The following CERS6 variants were observed in gnomAD, a reference collection of about 807,000 sequenced individuals.
The protein encoded by CERS6 is LAG1 homolog, ceramide synthase 6.
A neutral mutation model predicts 56.8 loss-of-function variants in CERS6; 26 were observed. The observed-to-expected ratio is 0.46, with a 90% CI of 0.34 to 0.63. The LOEUF (loss-of-function observed/expected upper bound fraction) is 0.63, where lower values mean the gene tolerates loss of function less well. CERS6 is among the 30% of genes least tolerant of loss of function. The pLI, the probability that CERS6 is intolerant of heterozygous loss-of-function variation, is 0.01. For synonymous variants in CERS6, 164 were observed against 173.3 expected (o/e 0.95, Z 0.42); for missense variants, 415 against 467.5 (o/e 0.89, Z 1.04).
intron 3 of CERS6, among the ~76,000 whole-genome samples, chr2:168,585,545 T>C (rs1683520817): frequency 6.6e-6 from 1 of 152,230 alleles, no homozygotes; most frequent in Non-Finnish European, 1.5e-5. Flanking sequence ...TTTCTTCATG[T>C]ACAACATAGG....
At chr2:168,610,313 A>T (rs948060697) in intron 3 of CERS6, among the ~76,000 whole-genome samples, 1 of 151,926 alleles carries the variant, frequency 6.6e-6, no homozygotes, top group African/African-American at 2.4e-5. Context: ...GCTTCCTTAG[A>T]TTTACAGCTG....
chr2:168,664,227 G>C (rs979678372), intron 4 of CERS6, among the ~76,000 whole-genome samples: 2 of 152,172 alleles, frequency 1.3e-5, no homozygotes, highest in Admixed American at 6.5e-5. Flanking sequence ...GTGTTGTGGG[G>C]AAGGCCTTCT....
chr2:168,604,460 C>T (rs1684005614), intron 3 of CERS6, among the ~76,000 whole-genome samples: 1 of 151,980 alleles, frequency 6.6e-6, no homozygotes, highest in African/African-American at 2.4e-5. Context: ...TGGCCTGCTG[C>T]CAGTTTTTGT....
At chr2:168,608,010 C>A (rs1048139764) in intron 3 of CERS6, among the ~76,000 whole-genome samples, 1 of 152,164 alleles carries the variant, frequency 6.6e-6, no homozygotes, top group South Asian at 2.1e-4. Context: ...CCCTGTGGAG[C>A]AAACAGAGCA....
intron 1 of CERS6, among the ~76,000 whole-genome samples, chr2:168,541,281 G>T (rs780472971): frequency 1.3e-5 from 2 of 152,158 alleles, no homozygotes; most frequent in Non-Finnish European, 1.5e-5. Context: ...ATGAGGTTTG[G>T]TGGGCACAGA....
At chr2:168,587,046 C>T (rs979778842) in intron 3 of CERS6, among the ~76,000 whole-genome samples, 2 of 152,092 alleles carry the variant, frequency 1.3e-5, no homozygotes, top group African/African-American at 4.8e-5. Context: ...TGGTGTGCGC[C>T]TGTAGTCCCA....
At chr2:168,736,134 T>C (rs1383980988) in intron 8 of CERS6, among the ~76,000 whole-genome samples, 6 of 152,208 alleles carry the variant, frequency 3.9e-5, no homozygotes, top group African/African-American at 1.4e-4. Flanking sequence ...AAATCAGCAC[T>C]CTTCTCATAC....
At position 168,707,032 on chromosome 2, in the gene CERS6, T is replaced by G. The variant is rs559430599; in HGVS notation, c.610-7969T>G. Among the ~76,000 whole-genome samples the G allele has an allele frequency of 2.6e-5, 4 of 152,334 alleles. No individual in the cohort carries two copies. In the South Asian group the frequency reaches 8.3e-4, roughly 32 times the overall value. On this transcript the variant is annotated intron_variant, in intron 6 of 9. Coordinates refer to ENST00000305747, the MANE Select transcript of CERS6 (RefSeq NM_203463.3). The stretch of plus-strand genomic sequence containing the variant: ...TGGCCATCTGGCCCTTTGCCTATCT[T>G]TGCTGTAAAGTAGGATAGCCTGTTG...
At chr2:168,473,003 T>C (rs1188166445) in intron 1 of CERS6, among the ~76,000 whole-genome samples, 1 of 152,236 alleles carries the variant, frequency 6.6e-6, no homozygotes, top group Non-Finnish European at 1.5e-5. Flanking sequence ...TGAAACATTA[T>C]GCTCACCTTA....
intron 1 of CERS6, among the ~76,000 whole-genome samples, chr2:168,518,333 A>G (rs1276435224): frequency 6.6e-6 from 1 of 152,192 alleles, no homozygotes. Context: ...GTCTTCTGAA[A>G]TTGTATTTGA....
At chr2:168,688,415 C>CAA (rs55913069) in intron 4 of CERS6, among the ~76,000 whole-genome samples, 223 of 135,204 alleles carry the variant, frequency 1.6e-3, no homozygotes, top group South Asian at 3.8e-3. Flanking sequence ...GACTCCGTCT[C>CAA]AAAAAAAAAA....
At chr2:168,758,714 G>T (rs1220246452) in intron 8 of CERS6, among the ~76,000 whole-genome samples, 1 of 152,154 alleles carries the variant, frequency 6.6e-6, no homozygotes, top group East Asian at 1.9e-4. Context: ...TACGGAGAAT[G>T]GATTTAAACT....
intron 1 of CERS6, among the ~76,000 whole-genome samples, chr2:168,507,915 A>G (rs1388434466): frequency 2.0e-5 from 3 of 152,248 alleles, no homozygotes; most frequent in East Asian, 1.9e-4. Context: ...TCAAGTTGCT[A>G]ACTGTGCCTT....
At chr2:168,536,487 T>C (rs948531106) in intron 1 of CERS6, among the ~76,000 whole-genome samples, 13 of 152,202 alleles carry the variant, frequency 8.5e-5, no homozygotes, top group Non-Finnish European at 1.9e-4. Context: ...ATGATAGATA[T>C]ATTAATCTGC....
chr2:168,759,241 A>T (rs144094693), intron 8 of CERS6, among the ~76,000 whole-genome samples: 1 of 152,236 alleles, frequency 6.6e-6, no homozygotes, highest in Admixed American at 6.5e-5. Context: ...GGTCAGACTG[A>T]TGCCTCTTCA....
intron 1 of CERS6, among the ~76,000 whole-genome samples, chr2:168,468,127 T>G (rs1442650712): frequency 6.6e-6 from 1 of 152,122 alleles, no homozygotes; most frequent in Non-Finnish European, 1.5e-5. Context: ...TTTCTAATGG[T>G]GGAGTGTTAA....
At chr2:168,700,506 TAAAAG>T (rs1686779539) in intron 6 of CERS6, among the ~76,000 whole-genome samples, 1 of 152,120 alleles carries the variant, frequency 6.6e-6, no homozygotes, top group Non-Finnish European at 1.5e-5. Context: ...CATTTTAACA[TAAAAG>T]AAAGGGAGAA....
chr2:168,509,034 T>TTCTC (rs1435349386), intron 1 of CERS6, among the ~76,000 whole-genome samples: 2 of 152,182 alleles, frequency 1.3e-5, no homozygotes, highest in Non-Finnish European at 2.9e-5. Flanking sequence ...TAATCCCATT[T>TTCTC]TCTCTATTGC....
intron 1 of CERS6, among the ~76,000 whole-genome samples, chr2:168,482,661 T>A (rs1028601368): frequency 1.3e-5 from 2 of 152,262 alleles, no homozygotes; most frequent in African/African-American, 4.8e-5. Context: ...TTTATACAAC[T>A]GGGGGACTCA....
Sources: gnomAD v4.1 joint callset for allele counts (sites outside exome capture counted in the v4.1 genomes callset) on GRCh38, gnomAD v4.1.1 for gene constraint, MANE v1.5 for transcripts, NCBI Gene and HGNC (gene_info 2026-07-23, HGNC 2026-07-21) for gene names.